ARHGAP26: variants seen among roughly 807,000 people sequenced by gnomAD.
The protein encoded by ARHGAP26 is rho GTPase-activating protein 26.
ARHGAP26 carries 38 observed loss-of-function variants against 104.8 expected under a neutral mutation model. The ratio of observed to expected loss-of-function variants is 0.36; its 90% CI spans 0.28 to 0.48. ARHGAP26 has a LOEUF of 0.48. ARHGAP26 is among the 20% of genes least tolerant of loss of function. The pLI, the probability that ARHGAP26 is intolerant of heterozygous loss-of-function variation, is 0.99. For missense variants in ARHGAP26, 704 were observed against 947.9 expected (o/e 0.74, Z 3.38); for synonymous variants, 341 against 340.0 (o/e 1.00, Z -0.03).
At chr5:142,905,715 G>A (rs1194119925) in intron 8 of ARHGAP26, among the ~76,000 whole-genome samples, 1 of 152,140 alleles carries the variant, frequency 6.6e-6, no homozygotes. Context: ...TGTTAGGTTG[G>A]TGCAAGAGTA....
At chr5:142,883,306 G>A (rs1170714992) in intron 4 of ARHGAP26, among the ~76,000 whole-genome samples, 1 of 152,180 alleles carries the variant, frequency 6.6e-6, no homozygotes, top group African/African-American at 2.4e-5. Context: ...ATACATGTGA[G>A]CAGCATTTGG....
chr5:142,953,462 A>G (rs1768711677), intron 11 of ARHGAP26, among the ~76,000 whole-genome samples: 1 of 152,192 alleles, frequency 6.6e-6, no homozygotes. Flanking sequence ...TTTGAGCACT[A>G]GATATATACA....
intron 1 of ARHGAP26, among the ~76,000 whole-genome samples, chr5:142,848,945 T>A (rs1380925746): frequency 6.6e-6 from 1 of 152,178 alleles, no homozygotes; most frequent in East Asian, 1.9e-4. Context: ...GTGTTAGAGA[T>A]CTCAGGAGCA....
intron 1 of ARHGAP26, among the ~76,000 whole-genome samples, chr5:142,805,743 T>C (rs1437283399): frequency 6.6e-6 from 1 of 152,224 alleles, no homozygotes; most frequent in African/African-American, 2.4e-5. Flanking sequence ...TTAAAGGTGC[T>C]CTGGAGTTAG....
intron 20 of ARHGAP26, among the ~76,000 whole-genome samples, chr5:143,198,228 C>T (rs1336617366): frequency 1.3e-5 from 2 of 152,092 alleles, no homozygotes; most frequent in Non-Finnish European, 2.9e-5. Context: ...GAGTTATATG[C>T]CTAGTAAGGA....
At chr5:143,037,311 G>A (rs1782812842) in intron 13 of ARHGAP26, 50 bp downstream of exon 13, 1 of 1,490,182 alleles carries the variant, frequency 6.7e-7, no homozygotes, top group Non-Finnish European at 9.2e-7. Flanking sequence ...TCACGCATCT[G>A]GTGAGGAGTC....
At chr5:142,814,931 G>A (rs1419346422) in intron 1 of ARHGAP26, among the ~76,000 whole-genome samples, 2 of 152,186 alleles carry the variant, frequency 1.3e-5, no homozygotes, top group African/African-American at 2.4e-5. Context: ...TGATTGAGAG[G>A]CTGTTTCCCT....
chr5:143,072,515 G>C (rs936126452), intron 17 of ARHGAP26, among the ~76,000 whole-genome samples: 4 of 152,174 alleles, frequency 2.6e-5, no homozygotes, highest in African/African-American at 9.7e-5. Flanking sequence ...GTGTCCAGCA[G>C]CAGATGAATG....
chr5:142,841,570 A>C lies in ARHGAP26; in HGVS notation c.155-31830A>C, dbSNP rs1163386177. ...TCACACTGAGTGCGGGCAACCCTGC[A>C]AAGCTCCTCAGCCTCCGAGCCCCAG... On this transcript the variant is annotated intron_variant, in intron 1 of 22. Coordinates refer to ENST00000645722, the MANE Select transcript of ARHGAP26 (RefSeq NM_001135608.3). 3.3e-5 allele frequency among the ~76,000 whole-genome samples: 5 copies of C among 152,348 alleles called. No individual in the cohort carries two copies. The South Asian group carries it at 8.3e-4, about 25-fold the overall frequency.
intron 11 of ARHGAP26, among the ~76,000 whole-genome samples, chr5:143,002,333 C>G (rs1186573852): frequency 6.9e-6 from 1 of 144,236 alleles, no homozygotes; most frequent in African/African-American, 2.6e-5. Flanking sequence ...GAGCAAGGTT[C>G]TCTCTTCTGC....
At chr5:143,041,140 T>C (rs941118764) in intron 13 of ARHGAP26, among the ~76,000 whole-genome samples, 71 of 152,324 alleles carry the variant, frequency 4.7e-4, no homozygotes, top group Non-Finnish European at 4.1e-4. Context: ...CTTTTGTAAA[T>C]GGTACAGTGG....
At chr5:142,822,962 C>A (rs1335447392) in intron 1 of ARHGAP26, among the ~76,000 whole-genome samples, 3 of 152,100 alleles carry the variant, frequency 2.0e-5, no homozygotes, top group African/African-American at 4.8e-5. Flanking sequence ...ACCAGTGAGC[C>A]CTTATTTATT....
At chr5:143,068,524 C>T (rs773017992) in intron 17 of ARHGAP26, among the ~76,000 whole-genome samples, 8 of 152,186 alleles carry the variant, frequency 5.3e-5, no homozygotes, top group African/African-American at 9.7e-5. Context: ...ATTGACTCCC[C>T]GTTGGATCTG....
intron 1 of ARHGAP26, among the ~76,000 whole-genome samples, chr5:142,868,562 T>C (rs1754729384): frequency 1.3e-5 from 2 of 152,132 alleles, no homozygotes; most frequent in Admixed American, 1.3e-4. Flanking sequence ...AGAATTGAGA[T>C]GTGCTTAGGA....
intron 10 of ARHGAP26, among the ~76,000 whole-genome samples, chr5:142,927,891 A>C (rs569484983): frequency 3.3e-5 from 5 of 152,250 alleles, no homozygotes; most frequent in African/African-American, 1.2e-4. Context: ...TGTGGTTTTA[A>C]TCACATTTCC....
chr5:143,113,980 TTAGCTGTG>T (rs1407216539), intron 17 of ARHGAP26, among the ~76,000 whole-genome samples: 1 of 152,206 alleles, frequency 6.6e-6, no homozygotes, highest in African/African-American at 2.4e-5. Context: ...TTGCCCGTCG[TTAGCTGTG>T]TAACCTCGAG....
chr5:142,826,064 G>C (rs1767197872), intron 1 of ARHGAP26, among the ~76,000 whole-genome samples: 1 of 152,216 alleles, frequency 6.6e-6, no homozygotes, highest in Non-Finnish European at 1.5e-5. Flanking sequence ...TTCATTGATA[G>C]AATTAGAACA....
At chr5:143,191,234 C>A (rs1425142522) in intron 20 of ARHGAP26, among the ~76,000 whole-genome samples, 1 of 152,166 alleles carries the variant, frequency 6.6e-6, no homozygotes, top group Non-Finnish European at 1.5e-5. Context: ...CAAAGCATTC[C>A]TTAAATGTTG....
At chr5:142,894,466 T>A in intron 6 of ARHGAP26, 118 bp downstream of exon 6, 1 of 894,100 alleles carries the variant, frequency 1.1e-6, no homozygotes, top group Non-Finnish European at 1.8e-6. Context: ...CCTGACACTG[T>A]CCCTTCTGTA....
Sources: allele counts gnomAD v4.1 joint callset (sites outside exome capture counted in the v4.1 genomes callset), GRCh38; gene constraint gnomAD v4.1.1; transcripts MANE v1.5; gene names NCBI Gene and HGNC (gene_info 2026-07-23, HGNC 2026-07-21).